The following PVT1 variants were observed in gnomAD, a reference collection of about 807,000 sequenced individuals.
PVT1 encodes the protein Pvt1 oncogene, also known as CXCR4/PVT1 fusion.
chr8:127,834,681 G>A (rs1409363059), intron 2 of PVT1, among the ~76,000 whole-genome samples: 1 of 152,030 alleles, frequency 6.6e-6, no homozygotes, highest in African/African-American at 2.4e-5. Flanking sequence ...TCTGACCAAT[G>A]GCTAATATTC....
intron 2 of PVT1, among the ~76,000 whole-genome samples, chr8:127,818,609 C>G (rs888169905): frequency 2.0e-5 from 3 of 152,208 alleles, no homozygotes; most frequent in African/African-American, 7.2e-5. Context: ...TTGCTGACAT[C>G]TGTTGGAAGG....
At chr8:127,863,696 G>A (rs1396899993) in intron 2 of PVT1, among the ~76,000 whole-genome samples, 1 of 152,192 alleles carries the variant, frequency 6.6e-6, no homozygotes, top group African/African-American at 2.4e-5. Context: ...TTATCATTTG[G>A]TATGTGTTGC....
At chr8:128,045,218 G>A (rs1477716837) in intron 4 of PVT1, among the ~76,000 whole-genome samples, 1 of 152,164 alleles carries the variant, frequency 6.6e-6, no homozygotes, top group African/African-American at 2.4e-5. Flanking sequence ...AGGCACCACG[G>A]CAGCCTGCTC....
chr8:127,879,116 A>C (rs1040689310), intron 2 of PVT1, among the ~76,000 whole-genome samples: 4 of 152,214 alleles, frequency 2.6e-5, no homozygotes, highest in African/African-American at 9.7e-5. Context: ...TTTTCCTTGC[A>C]TTTCCCAGCA....
rs1320533719 is a variant in PVT1, at chr8:128,066,513, C to A, written n.913-3647C>A. On this transcript the variant is annotated intron_variant and non_coding_transcript_variant, in intron 4 of 10. Transcript: ENST00000651587. ...ACATGTTAGTGCAGCATAACAGCGTCACTTCTGACTAATACTAATACAACC... is the reference window on the plus strand; with the variant it reads ...ACATGTTAGTGCAGCATAACAGCGTAACTTCTGACTAATACTAATACAACC... Among the ~76,000 whole-genome samples the A allele has an allele frequency of 2.0e-5, 3 of 152,354 alleles. No homozygotes were observed. In the East Asian group the frequency reaches 5.8e-4, roughly 29 times the overall value.
intron 4 of PVT1, among the ~76,000 whole-genome samples, chr8:128,068,487 G>A (rs1813939155): frequency 6.6e-6 from 1 of 152,044 alleles, no homozygotes; most frequent in South Asian, 2.1e-4. Context: ...AATTAGAATA[G>A]GTTTTGTGTT....
At chr8:128,087,893 G>A (rs76867900) in intron 5 of PVT1, among the ~76,000 whole-genome samples, 33 of 151,572 alleles carry the variant, frequency 2.2e-4, no homozygotes, top group Non-Finnish European at 3.7e-4. Context: ...CGAGTAGCTG[G>A]GATTGCAGAC....
intron 2 of PVT1, among the ~76,000 whole-genome samples, chr8:127,826,711 C>T (rs1814792855): frequency 6.6e-6 from 1 of 152,188 alleles, no homozygotes. Flanking sequence ...CACCCGGGAG[C>T]TTTCTGGGGC....
intron 4 of PVT1, among the ~76,000 whole-genome samples, chr8:127,993,148 C>CAT (rs1817063226): frequency 6.6e-6 from 1 of 152,208 alleles, no homozygotes; most frequent in Non-Finnish European, 1.5e-5. Context: ...GTAATAAAGA[C>CAT]AGAGTTCAAT....
At chr8:127,864,154 T>A (rs1341561281) in intron 2 of PVT1, among the ~76,000 whole-genome samples, 3 of 152,126 alleles carry the variant, frequency 2.0e-5, no homozygotes, top group South Asian at 4.1e-4. Context: ...GGGGTGTGGT[T>A]TGCAGTGGGG....
At chr8:128,065,720 G>T (rs1241599368) in intron 4 of PVT1, among the ~76,000 whole-genome samples, 1 of 151,220 alleles carries the variant, frequency 6.6e-6, no homozygotes, top group African/African-American at 2.4e-5. Flanking sequence ...GCACCAAGGG[G>T]GGAAGAAGTG....
intron 4 of PVT1, among the ~76,000 whole-genome samples, chr8:128,063,988 A>T (rs1200406070): frequency 1.4e-5 from 2 of 146,210 alleles, no homozygotes; most frequent in African/African-American, 5.5e-5. Context: ...TCTGTGAATT[A>T]AAAAAAAAGA....
At chr8:128,100,890 A>T (rs1814495302) in intron 6 of PVT1, 1 of 152,242 alleles carries the variant, frequency 6.6e-6, no homozygotes, top group South Asian at 2.1e-4. Context: ...TGCAGACATT[A>T]TTCCGAAGGT....
chr8:127,922,449 C>A (rs1233611881), intron 3 of PVT1, among the ~76,000 whole-genome samples: 1 of 152,116 alleles, frequency 6.6e-6, no homozygotes, highest in Non-Finnish European at 1.5e-5. Flanking sequence ...TAAGTGGGTT[C>A]TTTTCTGGGG....
At chr8:127,858,840 G>A (rs1210206376) in intron 2 of PVT1, among the ~76,000 whole-genome samples, 1 of 83,124 alleles carries the variant, frequency 1.2e-5, no homozygotes, top group African/African-American at 5.0e-5. Context: ...TTTTGAGACA[G>A]GGTCTTGCTT....
intron 3 of PVT1, among the ~76,000 whole-genome samples, chr8:127,929,835 A>G (rs1468972760): frequency 6.6e-6 from 1 of 152,212 alleles, no homozygotes; most frequent in Non-Finnish European, 1.5e-5. Context: ...CCAGACTGAA[A>G]GAGACTAAAG....
chr8:127,916,042 G>A (rs1405049863), intron 3 of PVT1, among the ~76,000 whole-genome samples: 1 of 152,218 alleles, frequency 6.6e-6, no homozygotes, highest in East Asian at 1.9e-4. Flanking sequence ...TTACAGGGGG[G>A]CAAATATTTA....
chr8:127,886,134 G>A (rs1467254624), intron 2 of PVT1, among the ~76,000 whole-genome samples: 1 of 152,018 alleles, frequency 6.6e-6, no homozygotes, highest in African/African-American at 2.4e-5. Context: ...TAAATAAATG[G>A]GACAAGAGGA....
intron 4 of PVT1, among the ~76,000 whole-genome samples, chr8:128,062,795 T>C (rs1813848084): frequency 6.6e-6 from 1 of 152,224 alleles, no homozygotes; most frequent in Non-Finnish European, 1.5e-5. Flanking sequence ...GGGTTGTTAT[T>C]TCTGATTTGA....
Sources: allele counts gnomAD v4.1 joint callset (sites outside exome capture counted in the v4.1 genomes callset), GRCh38; gene constraint gnomAD v4.1.1; transcripts MANE v1.5; gene names NCBI Gene and HGNC (gene_info 2026-07-23, HGNC 2026-07-21).